ZNF420: variants seen among roughly 807,000 people sequenced by gnomAD.
The protein encoded by ZNF420 is zinc finger protein 420.
Under a neutral mutation model 44.7 loss-of-function variants are expected in ZNF420, and 31 were observed. The ratio of observed to expected loss-of-function variants is 0.69; its 90% CI spans 0.52 to 0.94. The LOEUF is 0.94. Ranked by LOEUF, ZNF420 falls within the 40% of genes least tolerant of loss-of-function variation. ZNF420 has a pLI of 0.00. For missense variants in ZNF420, 681 were observed against 827.9 expected, an observed-to-expected ratio of 0.82 and a Z score of 2.18; for synonymous variants, 245 against 267.4, an observed-to-expected ratio of 0.92 and a Z score of 0.82.
intron 1 of ZNF420, among the ~76,000 whole-genome samples, chr19:37,019,763 C>G (rs1404092135): frequency 1.5e-5 from 2 of 131,236 alleles, no homozygotes; most frequent in Admixed American, 1.6e-4. Flanking sequence ...AAAGACTCAT[C>G]TGTCACAAAA....
chr19:37,122,664 T>C (rs1425609831), intron 4 of ZNF420, among the ~76,000 whole-genome samples: 1 of 152,168 alleles, frequency 6.6e-6, no homozygotes, highest in Non-Finnish European at 1.5e-5. Flanking sequence ...TTCCGTGCTC[T>C]CTTAATTTTT....
chr19:37,067,358 T>C (rs1202341785), intron 1 of ZNF420, among the ~76,000 whole-genome samples: 1 of 152,184 alleles, frequency 6.6e-6, no homozygotes, highest in East Asian at 1.9e-4. Context: ...CATGCTAAAG[T>C]ATTTAGGGGT....
At position 37,128,604 on chromosome 19, in the gene ZNF420, A is replaced by G; in HGVS notation, c.1613A>G (p.Lys538Arg). 1 of 1,613,836 alleles carries G rather than the reference A, an allele frequency of 6.2e-7. No homozygotes were observed. Among genetic ancestry groups the G allele is most frequent in the Non-Finnish European group, 8.5e-7 (1 of 1,179,854 alleles). Residue 538 changes from lysine (K) to arginine (R), a missense_variant, in exon 5 of 5, where the codon AAG becomes AGG. By Grantham distance (26) the Lys-to-Arg change is conservative. Transcript: ENST00000337995. Reference protein sequence around the residue: ...EKPYVCNECGKAFARGLLLIQ... With the variant: ...EKPYVCNECGRAFARGLLLIQ... ...CCCTATGTGTGTAATGAATGTGGAAAGGCCTTTGCGCGTGGCTTACTACTT... is the reference window on the plus strand; with the variant it reads ...CCCTATGTGTGTAATGAATGTGGAAGGGCCTTTGCGCGTGGCTTACTACTT...
At chr19:37,089,157 A>G in intron 3 of ZNF420, 30 bp downstream of exon 3, 1 of 1,602,240 alleles carries the variant, frequency 6.2e-7, no homozygotes, top group South Asian at 1.1e-5. Flanking sequence ...TGCTCTTTTC[A>G]CTTACTTTTT....
chr19:37,103,007 C>T (rs1476756402), intron 4 of ZNF420, among the ~76,000 whole-genome samples: 6 of 151,694 alleles, frequency 4.0e-5, no homozygotes, highest in African/African-American at 1.5e-4. Flanking sequence ...TTTTATCTCA[C>T]TTATATTTTG....
intron 3 of ZNF420, 25 bp downstream of exon 3, chr19:37,089,152 T>C (rs1479105956): frequency 1.2e-6 from 2 of 1,605,950 alleles, no homozygotes; most frequent in East Asian, 4.5e-5. Flanking sequence ...CCTTGTGCTC[T>C]TTTCACTTAC....
chr19:37,130,329 A>G lies in ZNF420; in HGVS notation c.*1271A>G. ...ACATCTTATTTGTTGATGCTATTGT[A>G]GTTCTGTTATTGACAATAAAAATTC... On this transcript the variant is annotated 3_prime_UTR_variant, in exon 5 of 5. Transcript: ENST00000337995. 7.4e-7 allele frequency: 1 copy of G among 1,353,560 alleles called. No individual in the cohort carries two copies. The highest frequency in any genetic ancestry group is 9.5e-7 in the Non-Finnish European group (1 of 1,048,430). The allele number at this position is 1,353,560 out of a possible 1,614,324, so 83.8% of individuals were successfully genotyped here.
chr19:37,123,792 A>G, intron 4 of ZNF420, among the ~76,000 whole-genome samples: 1 of 148,862 alleles, frequency 6.7e-6, no homozygotes, highest in Non-Finnish European at 1.5e-5. Context: ...TATTTTTAGT[A>G]GAGAGGGGGT....
At chr19:37,114,144 A>AT (rs2146680624) in intron 4 of ZNF420, among the ~76,000 whole-genome samples, 1 of 152,142 alleles carries the variant, frequency 6.6e-6, no homozygotes, top group South Asian at 2.1e-4. Flanking sequence ...ATGCCTCGGT[A>AT]TCTCCTTGTT....
At chr19:37,079,601 G>A (rs973732844) in intron 1 of ZNF420, among the ~76,000 whole-genome samples, 1 of 152,184 alleles carries the variant, frequency 6.6e-6, no homozygotes, top group African/African-American at 2.4e-5. Context: ...AGGGGATTGG[G>A]TGCAGGGAAG....
At position 37,055,596 on chromosome 19, in the gene ZNF420, G is replaced by A. The variant is rs183372710; in HGVS notation, c.-124-24749G>A. Among the ~76,000 whole-genome samples the A allele has an allele frequency of 3.6e-3, 542 of 152,332 alleles. 4 individuals are homozygous for A. In the Middle Eastern group the frequency reaches 0.041, roughly 11 times the overall value. On this transcript the variant is annotated intron_variant, in intron 1 of 4. Coordinates refer to the ZNF420 transcript ENST00000587029. ...AGCCTGACTTCCAAGGGCAAAGCAC[G>A]AGTCGGCTTAGGCAATGCGGATGCA...
intron 4 of ZNF420, among the ~76,000 whole-genome samples, chr19:37,114,821 C>T (rs1418660081): frequency 6.6e-6 from 1 of 152,132 alleles, no homozygotes; most frequent in Non-Finnish European, 1.5e-5. Flanking sequence ...CCCAATCATT[C>T]CATACTGTAA....
chr19:37,068,641 A>AAAATAAAT (rs574606007), intron 1 of ZNF420, among the ~76,000 whole-genome samples: 2 of 152,074 alleles, frequency 1.3e-5, no homozygotes, highest in African/African-American at 4.8e-5. Flanking sequence ...ACTCTGTCTC[A>AAAATAAAT]AAATAAATAA....
chr19:37,087,292 AATAAATAAAT>A (rs1568446860), intron 2 of ZNF420, among the ~76,000 whole-genome samples: 2 of 73,510 alleles, frequency 2.7e-5, no homozygotes, highest in African/African-American at 1.2e-4. Context: ...CAAAAAAAAA[AATAAATAAAT>A]AAATAAATAA....
Position 37,129,983 on chromosome 19 carries a change from C to T in ZNF420, c.*925C>T. ...TGTGATACAGACTGCTTTTTTCCTA[C>T]CCTATATCTATTTTCTCTTTTTTAG... On this transcript the variant is annotated 3_prime_UTR_variant, in exon 5 of 5. Coordinates refer to ENST00000337995, the MANE Select transcript of ZNF420 (RefSeq NM_144689.5). The T allele has an allele frequency of 6.7e-7, 1 of 1,485,130 alleles. No individual in the cohort carries two copies. Among genetic ancestry groups the T allele is most frequent in the Non-Finnish European group, 9.0e-7 (1 of 1,116,798 alleles). The allele number at this position is 1,485,130 out of a possible 1,614,324, so 92.0% of individuals were successfully genotyped here. A position where few individuals can be genotyped will look rare whatever the true frequency, so the allele number is the denominator to read the frequency against.
At chr19:37,042,382 T>C (rs1465072049) in intron 1 of ZNF420, among the ~76,000 whole-genome samples, 4 of 152,250 alleles carry the variant, frequency 2.6e-5, no homozygotes, top group Admixed American at 1.3e-4. Flanking sequence ...CATATAGTCT[T>C]TAATGTGTTC....
At chr19:37,074,346 T>C (rs146895918), upstream of ZNF420, among the ~76,000 whole-genome samples, 240 of 152,316 alleles carry the variant, frequency 1.6e-3, no homozygotes, top group African/African-American at 5.0e-3. Flanking sequence ...ATAGTTTTCT[T>C]GCCAAATATA....
intron 1 of ZNF420, among the ~76,000 whole-genome samples, chr19:37,064,493 T>C (rs1015916709): frequency 1.1e-4 from 17 of 152,294 alleles, no homozygotes; most frequent in Admixed American, 7.2e-4. Flanking sequence ...TCCAGGCTCA[T>C]CTTGTATTTG....
At position 37,091,334 on chromosome 19, in the gene ZNF420, TC is replaced by T. The variant is rs2146540782; in HGVS notation, c.136+216del. On this transcript the variant is annotated intron_variant, in intron 4 of 4. Coordinates refer to ENST00000337995, the MANE Select transcript of ZNF420 (RefSeq NM_144689.5). The stretch of plus-strand genomic sequence containing the variant: ...TTACCACTGCCTTCTAATACCATCT[TC>T]CCTGATGAACAAAGGGCTAGATTTG... The T allele has an allele frequency of 8.6e-6, 3 of 346,994 alleles. No homozygotes were observed. The East Asian group carries it at 1.6e-4, about 18-fold the overall frequency. 21.5% of individuals were successfully genotyped at this position (346,994 alleles called of 1,614,324 possible).
Sources: allele counts gnomAD v4.1 joint callset (sites outside exome capture counted in the v4.1 genomes callset), GRCh38; gene constraint gnomAD v4.1.1; transcripts MANE v1.5; gene names NCBI Gene and HGNC (gene_info 2026-07-23, HGNC 2026-07-21).